IL6ST: variants seen among roughly 807,000 people sequenced by gnomAD.
IL6ST encodes interleukin 6 cytokine family signal transducer, also known as interleukin-6 receptor subunit beta.
A neutral mutation model predicts 91.3 loss-of-function variants in IL6ST; 24 were observed. The ratio of observed to expected loss-of-function variants is 0.26; its 90% CI spans 0.19 to 0.37. The LOEUF is 0.37. Among genes scored for constraint, IL6ST ranks in the 10% least tolerant of loss-of-function variants. The pLI is 1.00. For synonymous variants in IL6ST, 351 were observed against 373.6 expected (o/e 0.94, Z 0.70); for missense variants, 914 against 1,078.5 (o/e 0.85, Z 2.14).
intron 3 of IL6ST, among the ~76,000 whole-genome samples, chr5:55,970,423 C>T (rs1018583951): frequency 2.6e-5 from 4 of 152,106 alleles, no homozygotes; most frequent in Non-Finnish European, 5.9e-5. Flanking sequence ...TGATGGTTTG[C>T]GTCTATAATC....
Position 55,951,614 on chromosome 5 carries a change from A to C in IL6ST, c.1700-10T>G. 6.2e-7 allele frequency: 1 copy of C among 1,607,940 alleles called. No individual in the cohort carries two copies. Among genetic ancestry groups the C allele is most frequent in the Non-Finnish European group, 8.5e-7 (1 of 1,178,102 alleles). On this transcript the variant is annotated splice_polypyrimidine_tract_variant and intron_variant, in intron 13 of 16. Coordinates refer to ENST00000381298, the MANE Select transcript of IL6ST (RefSeq NM_002184.4). ...GAATCCACATTCACAGCTGGAAGAA[A>C]TAAGAACTGTGCTTCATTCAACTAT...
chr5:55,988,823 A>G (rs947714475), intron 1 of IL6ST, among the ~76,000 whole-genome samples: 1 of 148,494 alleles, frequency 6.7e-6, no homozygotes, highest in Non-Finnish European at 1.5e-5. Flanking sequence ...AGAAAATGTA[A>G]CAGAAGGCTG....
At chr5:55,943,747 C>A (rs1001682111) in intron 15 of IL6ST, among the ~76,000 whole-genome samples, 1 of 152,104 alleles carries the variant, frequency 6.6e-6, no homozygotes. Flanking sequence ...AAGAACTTCC[C>A]CCCTGCAAGT....
chr5:55,960,577 C>T lies in IL6ST; in HGVS notation c.814-16G>A, dbSNP rs377547157. 6.3e-7 allele frequency: 1 copy of T among 1,599,680 alleles called. No individual in the cohort carries two copies. Among genetic ancestry groups the T allele is most frequent in the Middle Eastern group, 1.7e-4 (1 of 5,966 alleles). The stretch of plus-strand genomic sequence containing the variant: ...CAGGAGGAATCTGAAACAAAGCAAA[C>T]CAAACAACAGAAAACCTCAATTAGT... On this transcript the variant is annotated splice_polypyrimidine_tract_variant and intron_variant, in intron 7 of 16. Transcript: ENST00000381298.
At chr5:55,961,473 G>A (rs1227207446) in intron 7 of IL6ST, among the ~76,000 whole-genome samples, 1 of 151,996 alleles carries the variant, frequency 6.6e-6, no homozygotes, top group African/African-American at 2.4e-5. Context: ...TTGAAAGACA[G>A]CCGGCTGGGT....
intron 11 of IL6ST, among the ~76,000 whole-genome samples, chr5:55,952,680 A>G (rs1409867353): frequency 1.3e-5 from 2 of 152,244 alleles, no homozygotes; most frequent in Non-Finnish European, 1.5e-5. Context: ...AAGAGAGAAC[A>G]GCCTAAGGAG....
intron 2 of IL6ST, among the ~76,000 whole-genome samples, chr5:55,981,511 C>G (rs1352409581): frequency 1.3e-5 from 2 of 152,020 alleles, no homozygotes; most frequent in South Asian, 2.1e-4. Flanking sequence ...GGCATGGTGG[C>G]GCACACCTAT....
At chr5:55,954,778 A>T in intron 11 of IL6ST, 32 bp downstream of exon 11, 1 of 1,510,360 alleles carries the variant, frequency 6.6e-7, no homozygotes, top group South Asian at 1.3e-5. Flanking sequence ...TAGAAAAAGG[A>T]TATCAATTTA....
chr5:55,987,834 C>G (rs372480770), intron 1 of IL6ST, among the ~76,000 whole-genome samples: 27 of 152,254 alleles, frequency 1.8e-4, no homozygotes, highest in African/African-American at 6.3e-4. Context: ...ACAGGTACTA[C>G]TATAAGAAAC....
At position 55,960,389 on chromosome 5, in the gene IL6ST, C is replaced by T. The variant is rs1752237597; in HGVS notation, c.973+13G>A. On this transcript the variant is annotated intron_variant, in intron 8 of 16. Coordinates refer to ENST00000381298, the MANE Select transcript of IL6ST (RefSeq NM_002184.4). ...TCCAATAGCTTTACTTCTTCATATA[C>T]TTATGTACTTACTATCTTCATAGGT... 6.2e-7 allele frequency: 1 copy of T among 1,607,642 alleles called. No homozygotes were observed. Among genetic ancestry groups the T allele is most frequent in the African/African-American group, 1.3e-5 (1 of 74,744 alleles).
At chr5:55,957,790 A>G in intron 8 of IL6ST, among the ~76,000 whole-genome samples, 1 of 152,178 alleles carries the variant, frequency 6.6e-6, no homozygotes, top group East Asian at 1.9e-4. Flanking sequence ...TTATATTTAT[A>G]AAAATTTTGA....
At chr5:55,968,156 A>G (rs1207294227) in intron 5 of IL6ST, 120 bp downstream of exon 5, 2 of 953,832 alleles carry the variant, frequency 2.1e-6, no homozygotes, top group Middle Eastern at 3.4e-4. Context: ...GAAATGTTAC[A>G]GAATAAAAAA....
rs1168887757 is a variant in IL6ST at position 55,936,864 on chromosome 5, A to G, written c.*4218T>C. On this transcript the variant is annotated 3_prime_UTR_variant, in exon 17 of 17. Transcript: ENST00000381298. ...AGATGGGGTAAAACAGCAAGTGAAC[A>G]TGAAAGGATTGCACTTAGAAGAAAG... The G allele has an allele frequency of 1.0e-5, 2 of 197,036 alleles. No individual in the cohort carries two copies. Among genetic ancestry groups the G allele is most frequent in the South Asian group, 3.9e-4 (2 of 5,176 alleles). The allele number at this position is 197,036 out of a possible 1,614,324, so 12.2% of individuals were successfully genotyped here.
At chr5:55,954,501 T>C (rs1387940710) in intron 11 of IL6ST, among the ~76,000 whole-genome samples, 1 of 152,208 alleles carries the variant, frequency 6.6e-6, no homozygotes, top group African/African-American at 2.4e-5. Context: ...ACAGAGAACA[T>C]ATAACTAATC....
intron 9 of IL6ST, 36 bp downstream of exon 9, chr5:55,957,173 A>ATT: frequency 9.6e-7 from 1 of 1,040,568 alleles, no homozygotes; most frequent in Non-Finnish European, 1.4e-6. Flanking sequence ...AAAAAAAAAG[A>ATT]TTTATAAGAG....
intron 2 of IL6ST, among the ~76,000 whole-genome samples, chr5:55,976,633 C>G (rs1287789095): frequency 2.0e-5 from 3 of 152,088 alleles, no homozygotes; most frequent in African/African-American, 7.2e-5. Flanking sequence ...TAATATGTAT[C>G]CTTAAAAGAT....
At chr5:55,980,571 A>C (rs1200468601) in intron 2 of IL6ST, among the ~76,000 whole-genome samples, 2 of 152,032 alleles carry the variant, frequency 1.3e-5, no homozygotes, top group African/African-American at 2.4e-5. Context: ...AAAATAAATA[A>C]ATACTTAAGG....
chr5:55,937,790 T>C lies in IL6ST; in HGVS notation c.*3292A>G, dbSNP rs1421508909. The C allele has an allele frequency of 1.0e-5, 2 of 192,838 alleles. No individual in the cohort carries two copies. The highest frequency in any genetic ancestry group is 2.2e-5 in the Non-Finnish European group (2 of 92,300). The allele number at this position is 192,838 out of a possible 1,614,324, so 11.9% of individuals were successfully genotyped here. On this transcript the variant is annotated 3_prime_UTR_variant, in exon 17 of 17. Coordinates refer to ENST00000381298, the MANE Select transcript of IL6ST (RefSeq NM_002184.4). ...TGCAGCTTATAACTTTGTTATTTTA[T>C]TCATCTCAACAAAATAAAACTTTAT...
chr5:55,943,330 C>T (rs1561154031), intron 15 of IL6ST, among the ~76,000 whole-genome samples: 2 of 152,060 alleles, frequency 1.3e-5, no homozygotes, highest in Non-Finnish European at 2.9e-5. Context: ...AAAAAGAAAG[C>T]TATATTTATA....
Sources: gnomAD v4.1 joint callset for allele counts (sites outside exome capture counted in the v4.1 genomes callset) on GRCh38, gnomAD v4.1.1 for gene constraint, MANE v1.5 for transcripts, NCBI Gene and HGNC (gene_info 2026-07-23, HGNC 2026-07-21) for gene names.